The following PM20D2 variants were observed in gnomAD, a reference collection of about 807,000 sequenced individuals.
PM20D2 encodes xaa-Arg dipeptidase.
PM20D2 carries 33 observed loss-of-function variants against 42.9 expected under a neutral mutation model. The observed-to-expected ratio is 0.77, with a 90% CI of 0.58 to 1.03. PM20D2 has a LOEUF of 1.03. PM20D2 is among the 50% of genes least tolerant of loss of function. The pLI is 0.00. For synonymous variants in PM20D2, 250 were observed against 228.2 expected, an observed-to-expected ratio of 1.10 and a Z score of -0.86; for missense variants, 548 against 557.0, an observed-to-expected ratio of 0.98 and a Z score of 0.16.
At chr6:89,149,535 A>T in intron 2 of PM20D2, 122 bp downstream of exon 2, 1 of 1,226,138 alleles carries the variant, frequency 8.2e-7, no homozygotes, top group Non-Finnish European at 1.1e-6. Context: ...AAAGACAATA[A>T]CAAGATGTCT....
At chr6:89,105,462 T>TTG in the PM20D2 span, 1 of 1,611,058 alleles carries the variant, frequency 6.2e-7, no homozygotes, top group Admixed American at 1.7e-5. Context: ...TATTTCAATC[T>TTG]GACGGCCACA....
chr6:89,105,834 A>C, the PM20D2 span: 1 of 166,804 alleles, frequency 6.0e-6, no homozygotes, highest in African/African-American at 2.4e-5. Context: ...AAGAAAAACA[A>C]AAAAAAAGTC....
chr6:89,095,823 TC>T, the PM20D2 span: 1 of 152,222 alleles, frequency 6.6e-6, no homozygotes, highest in African/African-American at 2.4e-5. Context: ...CAAGCCGCTG[TC>T]ATGGCAGTCT....
At chr6:89,112,991 G>A in the PM20D2 span, among the ~76,000 whole-genome samples, 10 of 152,042 alleles carry the variant, frequency 6.6e-5, no homozygotes, top group East Asian at 1.9e-4. Context: ...TAGAAGCAAC[G>A]GGCCACACCA....
chr6:89,146,000 G>C (rs1014589235), upstream of PM20D2: 6 of 645,790 alleles, frequency 9.3e-6, no homozygotes, highest in African/African-American at 7.6e-5. Flanking sequence ...GCGGCCCCGG[G>C]ACTGGGGGTG....
In PM20D2 at chr6:89,154,768, G is replaced by T. The variant is rs554294863; in HGVS notation, c.778G>T (p.Val260Leu). 236 of 1,555,460 alleles carry T rather than the reference G, an allele frequency of 1.5e-4. 2 individuals carry two copies. In the South Asian group the frequency reaches 2.8e-3, roughly 19 times the overall value. The change falls in exon 4 of 7, where the codon GTA becomes TTA. Residue 260 changes from valine (V) to leucine (L), a missense_variant. By Grantham distance (32) the Val-to-Leu change is conservative. Transcript: ENST00000275072. ...RVHGIIKNGGVKPNIIPSYSE... is the reference protein window; with the variant it reads ...RVHGIIKNGGLKPNIIPSYSE... ...TATAGGTATAATAAAAAATGGTGGT[G>T]TAAAACCCAATATCATTCCCTCTTA...
chr6:89,121,404 T>C, the PM20D2 span, among the ~76,000 whole-genome samples: 192 of 152,286 alleles, frequency 1.3e-3, no homozygotes, highest in African/African-American at 4.4e-3. Context: ...TTGGCCAGTG[T>C]CTTGCCCTGG....
the PM20D2 span, among the ~76,000 whole-genome samples, chr6:89,107,599 C>T: frequency 1.3e-5 from 2 of 151,924 alleles, no homozygotes; most frequent in African/African-American, 2.4e-5. Flanking sequence ...GGTGTGGTAG[C>T]GTGTGCCTGT....
the PM20D2 span, among the ~76,000 whole-genome samples, chr6:89,103,042 G>C: frequency 9.2e-5 from 14 of 152,150 alleles, no homozygotes; most frequent in African/African-American, 2.9e-4. Flanking sequence ...GGGATCACAG[G>C]TGTGAGCCAC....
the PM20D2 span, chr6:89,096,047 A>G: frequency 6.6e-6 from 1 of 152,240 alleles, no homozygotes; most frequent in Non-Finnish European, 1.5e-5. Flanking sequence ...GAACCCTGGA[A>G]TATAGATATT....
the PM20D2 span, among the ~76,000 whole-genome samples, chr6:89,100,292 T>C: frequency 6.6e-6 from 1 of 152,066 alleles, no homozygotes; most frequent in African/African-American, 2.4e-5. Context: ...TCCCAAAAGG[T>C]CAATGAGGAA....
At chr6:89,128,828 A>C in the PM20D2 span, among the ~76,000 whole-genome samples, 14 of 152,134 alleles carry the variant, frequency 9.2e-5, no homozygotes, top group African/African-American at 2.9e-4. Context: ...CTATGTTGAA[A>C]TATTGGGGGC....
chr6:89,151,725 A>G (rs938563668), intron 2 of PM20D2, among the ~76,000 whole-genome samples: 1 of 152,218 alleles, frequency 6.6e-6, no homozygotes, highest in Non-Finnish European at 1.5e-5. Flanking sequence ...TTAAAATTAA[A>G]TAGTATGTCT....
the PM20D2 span, among the ~76,000 whole-genome samples, chr6:89,117,351 G>A: frequency 6.6e-6 from 1 of 152,236 alleles, no homozygotes; most frequent in Admixed American, 6.5e-5. Context: ...TAAGGCCCGA[G>A]TACGCATTAT....
At position 89,162,301 on chromosome 6, in the gene PM20D2, T is replaced by C; in HGVS notation, c.*38T>C. On this transcript the variant is annotated 3_prime_UTR_variant, in exon 7 of 7. Coordinates refer to ENST00000275072, the MANE Select transcript of PM20D2 (RefSeq NM_001010853.3). ...CCACTTATAAATCAAGAAGACGTGA[T>C]GATTTTTTTCTTTTAATCTCTTTTA... The C allele has an allele frequency of 6.4e-7, 1 of 1,561,282 alleles. No individual in the cohort carries two copies. The highest frequency in any genetic ancestry group is 1.2e-5 in the South Asian group (1 of 83,278).
the PM20D2 span, among the ~76,000 whole-genome samples, chr6:89,109,719 T>C: frequency 2.6e-5 from 4 of 152,350 alleles, no homozygotes; most frequent in South Asian, 8.3e-4. Flanking sequence ...TGTTGTTTTA[T>C]TTTTGCACTT....
At chr6:89,141,343 A>G (rs1279685657), upstream of PM20D2, among the ~76,000 whole-genome samples, 2 of 152,012 alleles carry the variant, frequency 1.3e-5, no homozygotes. Context: ...GGACTTTGCA[A>G]GAGCCTTTTA....
the PM20D2 span, chr6:89,096,677 TATAG>T: frequency 3.3e-5 from 5 of 152,170 alleles, no homozygotes; most frequent in East Asian, 1.9e-4. Flanking sequence ...TTATTATTTT[TATAG>T]ATAAAGGGGT....
the PM20D2 span, among the ~76,000 whole-genome samples, chr6:89,099,815 G>C: frequency 6.6e-6 from 1 of 152,024 alleles, no homozygotes; most frequent in South Asian, 2.1e-4. Context: ...GATTACAGGC[G>C]TGAGCTACCA....
Sources: gnomAD v4.1 joint callset for allele counts (sites outside exome capture counted in the v4.1 genomes callset) on GRCh38, gnomAD v4.1.1 for gene constraint, MANE v1.5 for transcripts, NCBI Gene and HGNC (gene_info 2026-07-23, HGNC 2026-07-21) for gene names.